The following MAN1A2 variants were observed in gnomAD, a reference collection of about 807,000 sequenced individuals.
MAN1A2 encodes the protein mannosyl-oligosaccharide 1,2-alpha-mannosidase IB.
A neutral mutation model predicts 75.7 loss-of-function variants in MAN1A2; 26 were observed. The ratio of observed to expected loss-of-function variants is 0.34; its 90% CI spans 0.25 to 0.48. The LOEUF is 0.48. Among genes scored for constraint, MAN1A2 ranks in the 20% least tolerant of loss-of-function variants. The probability of loss-of-function intolerance (pLI) is 0.99; values close to 1 mark genes in which losing one functional copy is unlikely to be tolerated. For synonymous variants in MAN1A2, 247 were observed against 264.6 expected (o/e 0.93, Z 0.65); for missense variants, 562 against 775.5 (o/e 0.72, Z 3.27).
chr1:117,482,518 T>G (rs943546843), intron 8 of MAN1A2, among the ~76,000 whole-genome samples: 2 of 152,050 alleles, frequency 1.3e-5, no homozygotes, highest in Non-Finnish European at 2.9e-5. Flanking sequence ...TACAGACATA[T>G]ATATATGTCT....
At chr1:117,414,627 G>A in intron 3 of MAN1A2, 86 bp from the exon 4 acceptor site, 1 of 697,006 alleles carries the variant, frequency 1.4e-6, no homozygotes, top group Non-Finnish European at 2.6e-6. Flanking sequence ...TACACTGAAT[G>A]TGAAGGGAAT....
chr1:117,484,576 AGTT>A (rs1228782559), intron 8 of MAN1A2, among the ~76,000 whole-genome samples: 1 of 152,002 alleles, frequency 6.6e-6, no homozygotes, highest in Non-Finnish European at 1.5e-5. Context: ...TAGTGTCACA[AGTT>A]GTTTTAAGTG....
chr1:117,458,505 A>G (rs868501652), intron 6 of MAN1A2, among the ~76,000 whole-genome samples: 1 of 94,254 alleles, frequency 1.1e-5, no homozygotes, highest in South Asian at 4.0e-4. Context: ...ATCTATATAT[A>G]TATATAGATA....
intron 3 of MAN1A2, 46 bp downstream of exon 3, chr1:117,405,691 C>T (rs780914178): frequency 9.6e-7 from 1 of 1,044,198 alleles, no homozygotes; most frequent in South Asian, 1.3e-5. Context: ...CTACCTCCAT[C>T]TTTTAAAACA....
intron 6 of MAN1A2, among the ~76,000 whole-genome samples, chr1:117,458,524 T>TA (rs373076182): frequency 0.074 from 5,258 of 71,334 alleles, 195 homozygotes; most frequent in African/African-American, 0.17. Flanking sequence ...TATATATATA[T>TA]TTTTTTTTTT....
At chr1:117,373,484 GTT>G (rs34482916) in intron 1 of MAN1A2, among the ~76,000 whole-genome samples, 14 of 113,342 alleles carry the variant, frequency 1.2e-4, no homozygotes, top group Admixed American at 3.7e-4. Context: ...TGCTGCATTT[GTT>G]TTTTTTTTTT....
At chr1:117,384,625 T>C (rs1328692876) in intron 1 of MAN1A2, among the ~76,000 whole-genome samples, 2 of 152,204 alleles carry the variant, frequency 1.3e-5, no homozygotes, top group African/African-American at 4.8e-5. Flanking sequence ...CTTTCCTTAT[T>C]GATCTTTCTA....
chr1:117,397,630 G>A (rs571241605), intron 1 of MAN1A2, among the ~76,000 whole-genome samples: 88 of 145,244 alleles, frequency 6.1e-4, no homozygotes, highest in Middle Eastern at 3.6e-3. Context: ...AGTCAGAGCC[G>A]CTGTTTATAA....
intron 1 of MAN1A2, among the ~76,000 whole-genome samples, chr1:117,399,245 C>G (rs902180436): frequency 1.3e-5 from 2 of 152,158 alleles, no homozygotes; most frequent in African/African-American, 4.8e-5. Context: ...CGTGGAAGCT[C>G]ACTGGTAGGT....
At chr1:117,497,117 T>C in intron 10 of MAN1A2, 135 bp downstream of exon 10, 1 of 592,870 alleles carries the variant, frequency 1.7e-6, no homozygotes, top group Non-Finnish European at 2.8e-6. Flanking sequence ...AATCATTTTC[T>C]TAAGAACTTG....
intron 3 of MAN1A2, among the ~76,000 whole-genome samples, chr1:117,412,253 G>A (rs1647846172): frequency 6.6e-6 from 1 of 151,604 alleles, no homozygotes. Context: ...GTCAAAAATA[G>A]TATTTCTCGA....
chr1:117,459,921 T>G (rs557393863), intron 6 of MAN1A2, among the ~76,000 whole-genome samples: 9 of 152,330 alleles, frequency 5.9e-5, no homozygotes, highest in Admixed American at 5.2e-4. Flanking sequence ...CAGGGCAGTT[T>G]ATAACTTTGG....
intron 3 of MAN1A2, among the ~76,000 whole-genome samples, chr1:117,412,796 A>T (rs542536228): frequency 1.3e-5 from 2 of 151,824 alleles, no homozygotes. Flanking sequence ...TCAATTTTAC[A>T]CTTTTCTTCC....
chr1:117,368,556 CTTT>C, intron 1 of MAN1A2, 71 bp downstream of exon 1: 1 of 1,228,300 alleles, frequency 8.1e-7, no homozygotes, highest in Non-Finnish European at 1.1e-6. Flanking sequence ...TCGAATCTGT[CTTT>C]TTTTTTTCTT....
chr1:117,391,981 T>G (rs1486261168), intron 1 of MAN1A2, among the ~76,000 whole-genome samples: 1 of 152,170 alleles, frequency 6.6e-6, no homozygotes. Flanking sequence ...TGTATCTACT[T>G]TAAATACATT....
intron 7 of MAN1A2, among the ~76,000 whole-genome samples, chr1:117,463,518 T>TACACAC (rs10560421): frequency 6.7e-6 from 1 of 150,344 alleles, no homozygotes; most frequent in East Asian, 2.0e-4. Flanking sequence ...AACACACACA[T>TACACAC]ACACACACAC....
chr1:117,458,493 A>ATC (rs747304598), intron 6 of MAN1A2, among the ~76,000 whole-genome samples: 18,398 of 73,024 alleles, frequency 0.25, 1,648 homozygotes, highest in Non-Finnish European at 0.3. Flanking sequence ...AAATATATAT[A>ATC]TATCTATATA....
intron 5 of MAN1A2, among the ~76,000 whole-genome samples, chr1:117,438,565 C>G (rs921924440): frequency 2.0e-5 from 3 of 152,196 alleles, no homozygotes; most frequent in African/African-American, 7.2e-5. Context: ...ACCACTCATC[C>G]TCTGACTCGC....
At position 117,405,655 on chromosome 1, in the gene MAN1A2, C is replaced by A; in HGVS notation, c.655+10C>A. 1 of 1,472,666 alleles carries A rather than the reference C, an allele frequency of 6.8e-7. No homozygotes were observed. Among genetic ancestry groups the A allele is most frequent in the Non-Finnish European group, 9.5e-7 (1 of 1,054,380 alleles). The allele number at this position is 1,472,666 out of a possible 1,614,324, so 91.2% of individuals were successfully genotyped here. A position where few individuals can be genotyped will look rare whatever the true frequency, so the allele number is the denominator to read the frequency against. On this transcript the variant is annotated intron_variant, in intron 3 of 12. Transcript: ENST00000356554. ...TCCCCTAACATATTTGGTAAGTTTA[C>A]TTTTTCTAATTACTATTTCCATTTT...
Sources: gnomAD v4.1 joint callset for allele counts (sites outside exome capture counted in the v4.1 genomes callset) on GRCh38, gnomAD v4.1.1 for gene constraint, MANE v1.5 for transcripts, NCBI Gene and HGNC (gene_info 2026-07-23, HGNC 2026-07-21) for gene names.